Variants in TNFSF4 observed in about 807,000 individuals in gnomAD.
The protein encoded by TNFSF4 is tumor necrosis factor ligand superfamily member 4.
Under a neutral mutation model 7.3 loss-of-function variants are expected in TNFSF4, and 4 were observed. That is an observed-to-expected ratio of 0.55 (90% CI 0.27 to 1.25). The LOEUF (loss-of-function observed/expected upper bound fraction) is 1.25. Ranked by LOEUF, TNFSF4 falls within the 50% of genes most tolerant of loss-of-function variation. The probability of loss-of-function intolerance (pLI) is 0.12; values close to 1 mark genes in which losing one functional copy is unlikely to be tolerated. For missense variants in TNFSF4, 181 were observed against 208.8 expected (o/e 0.87, Z 0.82); for synonymous variants, 76 against 83.7 (o/e 0.91, Z 0.50).
At chr1:173,265,964 C>T in the TNFSF4 span, among the ~76,000 whole-genome samples, 1 of 152,110 alleles carries the variant, frequency 6.6e-6, no homozygotes, top group Non-Finnish European at 1.5e-5. Context: ...CTCCTTAATG[C>T]TTATGGAGTG....
the TNFSF4 span, among the ~76,000 whole-genome samples, chr1:173,429,456 C>T: frequency 6.6e-6 from 1 of 152,220 alleles, no homozygotes; most frequent in African/African-American, 2.4e-5. Context: ...GTGACATTCA[C>T]TTGTGAAGAC....
At chr1:173,442,625 C>T in the TNFSF4 span, among the ~76,000 whole-genome samples, 4 of 143,490 alleles carry the variant, frequency 2.8e-5, no homozygotes, top group African/African-American at 1.0e-4. Flanking sequence ...TCTCAACTCA[C>T]TGCAACCTTC....
chr1:173,418,399 C>T, the TNFSF4 span: 3 of 152,158 alleles, frequency 2.0e-5, no homozygotes, highest in Non-Finnish European at 4.4e-5. Flanking sequence ...TATTACATCC[C>T]GGAAACCCCC....
the TNFSF4 span, among the ~76,000 whole-genome samples, chr1:173,348,304 C>T: frequency 1.4e-4 from 21 of 152,114 alleles, no homozygotes; most frequent in Non-Finnish European, 2.9e-4. Context: ...AGGGAAACCC[C>T]TTTCACTTGA....
the TNFSF4 span, among the ~76,000 whole-genome samples, chr1:173,269,882 C>G: frequency 1.3e-5 from 2 of 152,070 alleles, no homozygotes; most frequent in Admixed American, 1.3e-4. Context: ...ATCACTGCAG[C>G]CACTTGCTGA....
At chr1:173,327,439 A>G in the TNFSF4 span, among the ~76,000 whole-genome samples, 3 of 151,598 alleles carry the variant, frequency 2.0e-5, no homozygotes, top group East Asian at 5.8e-4. Context: ...GGACATAGGC[A>G]TGGGCAAGGA....
chr1:173,380,518 G>A, the TNFSF4 span, among the ~76,000 whole-genome samples: 1 of 151,902 alleles, frequency 6.6e-6, no homozygotes, highest in African/African-American at 2.4e-5. Flanking sequence ...CGCTTCTCAG[G>A]GCCTCCAAAA....
chr1:173,197,280 T>G (rs887616676), intron 1 of TNFSF4, among the ~76,000 whole-genome samples: 6 of 152,196 alleles, frequency 3.9e-5, no homozygotes, highest in African/African-American at 1.4e-4. Context: ...AGTGTGGCAA[T>G]TCCCCAAAGA....
the TNFSF4 span, among the ~76,000 whole-genome samples, chr1:173,280,617 T>A: frequency 6.6e-6 from 1 of 152,160 alleles, no homozygotes; most frequent in Non-Finnish European, 1.5e-5. Flanking sequence ...GAATAAACAT[T>A]TGAATGCTTT....
chr1:173,346,507 A>C, the TNFSF4 span, among the ~76,000 whole-genome samples: 1 of 152,206 alleles, frequency 6.6e-6, no homozygotes, highest in Non-Finnish European at 1.5e-5. Context: ...GTTACATAGC[A>C]CTTTACATAC....
chr1:173,258,469 A>G, the TNFSF4 span, among the ~76,000 whole-genome samples: 2 of 152,114 alleles, frequency 1.3e-5, no homozygotes, highest in South Asian at 2.1e-4. Context: ...CCATGGATCT[A>G]TGCAACCTGC....
the TNFSF4 span, among the ~76,000 whole-genome samples, chr1:173,271,142 G>A: frequency 2.6e-5 from 4 of 152,070 alleles, no homozygotes; most frequent in African/African-American, 9.7e-5. Context: ...AAGCTCTTTA[G>A]TTTAATTAGA....
chr1:173,254,914 G>A, the TNFSF4 span, among the ~76,000 whole-genome samples: 1 of 152,178 alleles, frequency 6.6e-6, no homozygotes, highest in Non-Finnish European at 1.5e-5. Flanking sequence ...AGCTAGGTTT[G>A]AAGAACAAAT....
At chr1:173,425,079 A>C in the TNFSF4 span, among the ~76,000 whole-genome samples, 1 of 152,208 alleles carries the variant, frequency 6.6e-6, no homozygotes, top group Admixed American at 6.6e-5. Flanking sequence ...ACCCAGCCAC[A>C]TATGACCCTG....
chr1:173,250,716 C>T, the TNFSF4 span, among the ~76,000 whole-genome samples: 1 of 152,120 alleles, frequency 6.6e-6, no homozygotes, highest in African/African-American at 2.4e-5. Flanking sequence ...ACCTCGGCCT[C>T]CCAAAGTGCT....
chr1:173,426,654 G>A, the TNFSF4 span, among the ~76,000 whole-genome samples: 3 of 151,998 alleles, frequency 2.0e-5, no homozygotes, highest in Non-Finnish European at 2.9e-5. Context: ...AGAGTGCAGT[G>A]ACACAACACA....
the TNFSF4 span, among the ~76,000 whole-genome samples, chr1:173,273,077 C>A: frequency 6.6e-6 from 1 of 152,136 alleles, no homozygotes; most frequent in African/African-American, 2.4e-5. Context: ...AATTAGGGCA[C>A]AAACAAAATG....
the TNFSF4 span, among the ~76,000 whole-genome samples, chr1:173,282,526 T>C: frequency 4.6e-5 from 7 of 151,982 alleles, no homozygotes; most frequent in South Asian, 2.1e-4. Context: ...TGGCACTGTC[T>C]CAGCTCACTG....
the TNFSF4 span, among the ~76,000 whole-genome samples, chr1:173,355,365 C>T: frequency 2.3e-3 from 349 of 152,264 alleles, 5 homozygotes; most frequent in African/African-American, 8.1e-3. Flanking sequence ...TTTGCGGGGT[C>T]GGGGAGCATT....
Sources: gnomAD v4.1 joint callset for allele counts (sites outside exome capture counted in the v4.1 genomes callset) on GRCh38, gnomAD v4.1.1 for gene constraint, MANE v1.5 for transcripts, NCBI Gene and HGNC (gene_info 2026-07-23, HGNC 2026-07-21) for gene names.